SDK1: variants seen among roughly 807,000 people sequenced by gnomAD.
SDK1 encodes sidekick cell adhesion molecule 1.
SDK1 carries 157 observed loss-of-function variants against 245.5 expected under a neutral mutation model. The observed-to-expected ratio is 0.64, with a 90% CI of 0.56 to 0.73. The LOEUF is 0.73. SDK1 is among the 30% of genes least tolerant of loss of function. SDK1 has a pLI of 0.00. For missense variants in SDK1, 3,583 were observed against 3,002.3 expected, an observed-to-expected ratio of 1.19 and a Z score of -4.52; for synonymous variants, 1,647 against 1,278.5, an observed-to-expected ratio of 1.29 and a Z score of -6.15.
At chr7:3,692,413 ATAGT>A (rs745721839) in intron 4 of SDK1, among the ~76,000 whole-genome samples, 77 of 152,212 alleles carry the variant, frequency 5.1e-4, no homozygotes, top group African/African-American at 1.8e-3. Context: ...ATCATACTAT[ATAGT>A]TAGTTTTGCT....
intron 1 of SDK1, among the ~76,000 whole-genome samples, chr7:3,431,115 G>A (rs917457936): frequency 6.6e-6 from 1 of 151,996 alleles, no homozygotes; most frequent in Non-Finnish European, 1.5e-5. Flanking sequence ...TGGCCAGGTT[G>A]GTCTCAAACT....
intron 22 of SDK1, among the ~76,000 whole-genome samples, chr7:4,083,742 CT>C (rs376735954): frequency 0.042 from 8 of 190 alleles, 3 homozygotes; most frequent in East Asian, 0.25. Flanking sequence ...CCATCCCTCC[CT>C]TCCTTTACTT....
At chr7:3,525,930 C>T (rs758826215) in intron 1 of SDK1, among the ~76,000 whole-genome samples, 4 of 152,136 alleles carry the variant, frequency 2.6e-5, no homozygotes, top group Non-Finnish European at 5.9e-5. Context: ...TATAGCTCTA[C>T]TCTCAGGTAA....
At chr7:3,468,814 A>C (rs1327911019) in intron 1 of SDK1, among the ~76,000 whole-genome samples, 1 of 152,162 alleles carries the variant, frequency 6.6e-6, no homozygotes, top group Non-Finnish European at 1.5e-5. Context: ...TTGGGTCTTC[A>C]TTATGAAGGC....
chr7:4,122,968 A>G (rs998928942), intron 25 of SDK1, among the ~76,000 whole-genome samples: 1 of 152,134 alleles, frequency 6.6e-6, no homozygotes, highest in Admixed American at 6.5e-5. Context: ...TCACCTCCCT[A>G]TCTCCACGTG....
At chr7:4,225,218 C>T (rs1359001256) in intron 40 of SDK1, among the ~76,000 whole-genome samples, 3 of 152,052 alleles carry the variant, frequency 2.0e-5, no homozygotes, top group Admixed American at 6.6e-5. Flanking sequence ...CAGGATGTTA[C>T]CACTGGGGGA....
chr7:4,116,144 C>T (rs764997699), intron 25 of SDK1, among the ~76,000 whole-genome samples: 21 of 152,218 alleles, frequency 1.4e-4, no homozygotes, highest in Middle Eastern at 6.8e-3. Context: ...AAGGTGGTGC[C>T]GAGGTGGGAG....
At chr7:3,758,426 GTTA>G (rs775820187) in intron 4 of SDK1, among the ~76,000 whole-genome samples, 41 of 152,076 alleles carry the variant, frequency 2.7e-4, no homozygotes, top group Non-Finnish European at 5.4e-4. Context: ...GAATATTTAT[GTTA>G]TTCTCTGGGT....
chr7:4,063,690 G>T (rs1779691263), intron 19 of SDK1, among the ~76,000 whole-genome samples: 1 of 151,474 alleles, frequency 6.6e-6, no homozygotes, highest in Non-Finnish European at 1.5e-5. Flanking sequence ...AACGAAACTG[G>T]AGGAATCACA....
At chr7:3,555,279 A>C (rs1015636739) in intron 1 of SDK1, among the ~76,000 whole-genome samples, 2 of 152,216 alleles carry the variant, frequency 1.3e-5, no homozygotes, top group Non-Finnish European at 2.9e-5. Context: ...ATAAATCTAT[A>C]CACCTACAGT....
In SDK1 at chr7:4,066,695, G is replaced by A. The variant is rs569053444; in HGVS notation, c.2912-1143G>A. On this transcript the variant is annotated intron_variant, in intron 19 of 44. Transcript: ENST00000404826. ...ATGGGACCGATGGGACCTGCTATGG[G>A]AACACTAAAAGGCTCTAAACCTGGG... Among the ~76,000 whole-genome samples the A allele has an allele frequency of 2.6e-5, 4 of 152,310 alleles. No individual in the cohort carries two copies. The South Asian group carries it at 6.2e-4, about 24-fold the overall frequency.
intron 1 of SDK1, among the ~76,000 whole-genome samples, chr7:3,481,371 G>A (rs757808691): frequency 1.3e-5 from 2 of 152,178 alleles, no homozygotes; most frequent in East Asian, 1.9e-4. Flanking sequence ...CGTTTATTGA[G>A]TGTGATAGAT....
intron 1 of SDK1, among the ~76,000 whole-genome samples, chr7:3,570,853 A>G (rs189876714): frequency 6.7e-6 from 1 of 149,724 alleles, no homozygotes; most frequent in African/African-American, 2.4e-5. Context: ...CAATATATAA[A>G]TCTTAGAATT....
intron 5 of SDK1, among the ~76,000 whole-genome samples, chr7:3,884,632 CT>C (rs1261966310): frequency 2.6e-5 from 4 of 152,336 alleles, no homozygotes; most frequent in African/African-American, 9.6e-5. Flanking sequence ...GTTCTAGGTG[CT>C]GGGAACACAC....
intron 1 of SDK1, among the ~76,000 whole-genome samples, chr7:3,595,293 C>G (rs1781017484): frequency 6.6e-6 from 1 of 151,840 alleles, no homozygotes; most frequent in Non-Finnish European, 1.5e-5. Context: ...TGATATTTTG[C>G]TTGTAAAAAA....
intron 1 of SDK1, among the ~76,000 whole-genome samples, chr7:3,577,656 T>A (rs1476044177): frequency 6.6e-6 from 1 of 152,084 alleles, no homozygotes. Context: ...TGCTAGGAGC[T>A]GTCAATGTCT....
intron 1 of SDK1, among the ~76,000 whole-genome samples, chr7:3,482,184 C>T (rs917850665): frequency 6.6e-6 from 1 of 152,134 alleles, no homozygotes; most frequent in Non-Finnish European, 1.5e-5. Context: ...CGATCAGATA[C>T]CTTAAACTAC....
intron 4 of SDK1, among the ~76,000 whole-genome samples, chr7:3,800,697 T>G (rs189522240): frequency 6.6e-6 from 1 of 152,120 alleles, no homozygotes; most frequent in Non-Finnish European, 1.5e-5. Context: ...TAAAGTCAAG[T>G]ACTGTTTTCT....
chr7:3,569,466 G>C (rs1481634408), intron 1 of SDK1, among the ~76,000 whole-genome samples: 2 of 152,236 alleles, frequency 1.3e-5, no homozygotes, highest in Non-Finnish European at 2.9e-5. Flanking sequence ...GAAGTCTGGA[G>C]GAGAGCACTG....
Sources: gnomAD v4.1 joint callset for allele counts (sites outside exome capture counted in the v4.1 genomes callset) on GRCh38, gnomAD v4.1.1 for gene constraint, MANE v1.5 for transcripts, NCBI Gene and HGNC (gene_info 2026-07-23, HGNC 2026-07-21) for gene names.